The following NR4A1 variants were observed in gnomAD, a reference collection of about 807,000 sequenced individuals.
NR4A1 encodes nuclear receptor subfamily 4immunitygroup A member 1.
A neutral mutation model predicts 47.5 loss-of-function variants in NR4A1; 24 were observed. The observed-to-expected ratio is 0.50, with a 90% CI of 0.37 to 0.71. The LOEUF (loss-of-function observed/expected upper bound fraction) is 0.71. Among genes scored for constraint, NR4A1 ranks in the 30% least tolerant of loss-of-function variants. The pLI is 0.00. For synonymous variants in NR4A1, 353 were observed against 345.7 expected, an observed-to-expected ratio of 1.02 and a Z score of -0.24; for missense variants, 669 against 788.6, an observed-to-expected ratio of 0.85 and a Z score of 1.82.
intron 1 of NR4A1, chr12:52,038,863 C>T (rs1592285288): frequency 1.5e-6 from 1 of 675,358 alleles, no homozygotes; most frequent in Non-Finnish European, 2.7e-6. Flanking sequence ...GGCCCTGTGC[C>T]TGGCTCAAAG....
Position 52,056,703 on chromosome 12 carries a change from G to A in NR4A1, c.1158+58G>A. 4 of 1,498,868 alleles carry A rather than the reference G, an allele frequency of 2.7e-6. No individual in the cohort carries two copies. The South Asian group carries it at 5.3e-5, about 20-fold the overall frequency. The allele number at this position is 1,498,868 out of a possible 1,614,324, so 92.8% of individuals were successfully genotyped here. A position where few individuals can be genotyped will look rare whatever the true frequency, so the allele number is the denominator to read the frequency against. Reference sequence around the variant, plus strand: ...GTCTATGAGCACATGCAGTGCCTTTGTGCGTGTTAGGAGAGCTACCCCCTC... The same window carrying A: ...GTCTATGAGCACATGCAGTGCCTTTATGCGTGTTAGGAGAGCTACCCCCTC... On this transcript the variant is annotated intron_variant, in intron 4 of 6. Transcript: ENST00000394825.
chr12:52,043,223 C>A (rs1938503553), intron 2 of NR4A1, among the ~76,000 whole-genome samples: 1 of 152,156 alleles, frequency 6.6e-6, no homozygotes, highest in Non-Finnish European at 1.5e-5. Flanking sequence ...GTTCTCTGGT[C>A]AGCTGGAGAT....
At position 52,041,889 on chromosome 12, in the gene NR4A1, G is replaced by C. The variant is rs560728359; in HGVS notation, c.-4G>C. ...TCTGCTGGGCCCTGAAGGCAGACGG[G>C]ATAATGTGGTTGGCCAAGGCCTGTT... On this transcript the variant is annotated 5_prime_UTR_variant, in exon 2 of 8. Transcript: ENST00000360284. 12 of 1,530,734 alleles carry C rather than the reference G, an allele frequency of 7.8e-6. No individual in the cohort carries two copies. The African/African-American group carries it at 9.5e-5, about 12-fold the overall frequency. The allele number at this position is 1,530,734 out of a possible 1,614,324, so 94.8% of individuals were successfully genotyped here.
At chr12:52,050,340 G>C (rs1324271496), upstream of NR4A1, among the ~76,000 whole-genome samples, 3 of 152,200 alleles carry the variant, frequency 2.0e-5, no homozygotes, top group South Asian at 4.1e-4. Context: ...ATGTGGACAG[G>C]GGGAGGGGTA....
At chr12:52,027,745 G>T (rs1938027823) in intron 1 of NR4A1, among the ~76,000 whole-genome samples, 1 of 152,192 alleles carries the variant, frequency 6.6e-6, no homozygotes, top group Non-Finnish European at 1.5e-5. Flanking sequence ...GTGGCCCTGG[G>T]CACAGGGGGG....
At chr12:52,028,973 A>G (rs1938060499) in intron 1 of NR4A1, among the ~76,000 whole-genome samples, 1 of 152,224 alleles carries the variant, frequency 6.6e-6, no homozygotes, top group South Asian at 2.1e-4. Context: ...TAATGCTTTA[A>G]GTGAAATTAT....
chr12:52,037,090 C>G (rs1290987485), intron 1 of NR4A1: 2 of 150,264 alleles, frequency 1.3e-5, no homozygotes, highest in Admixed American at 1.3e-4. Flanking sequence ...CGCCGGGATT[C>G]CGGAGACGTC....
chr12:52,038,022 C>A, intron 1 of NR4A1: 1 of 985,698 alleles, frequency 1.0e-6, no homozygotes, highest in Non-Finnish European at 1.2e-6. Flanking sequence ...GTGTGGAGGG[C>A]AGGGCACAGT....
chr12:52,033,085 T>C (rs1938161187), intron 1 of NR4A1, among the ~76,000 whole-genome samples: 1 of 152,222 alleles, frequency 6.6e-6, no homozygotes, highest in African/African-American at 2.4e-5. Flanking sequence ...GCCGCAGCTC[T>C]GCGCCGCCGG....
rs377393372 is a variant in NR4A1 at position 52,056,011 on chromosome 12, G to A, written c.877-19G>A. 3.9e-5 allele frequency: 43 copies of A among 1,099,072 alleles called. No individual in the cohort carries two copies. Among genetic ancestry groups the A allele is most frequent in the African/African-American group, 8.1e-5 (4 of 49,342 alleles). The allele number at this position is 1,099,072 out of a possible 1,614,324, so 68.1% of individuals were successfully genotyped here. On this transcript the variant is annotated intron_variant, in intron 2 of 6. Transcript: ENST00000394825. ...ACCCCACACTCTGACAGCTTGTTCC[G>A]TGTTGCCCCCCCACCCAGCGCACAG...
At chr12:52,038,746 G>C in intron 1 of NR4A1, 1 of 764,838 alleles carries the variant, frequency 1.3e-6, no homozygotes, top group South Asian at 1.3e-5. Context: ...GATTCTAATT[G>C]AAGGTAACTG....
intron 6 of NR4A1, among the ~76,000 whole-genome samples, chr12:52,057,921 C>T (rs1452272886): frequency 6.6e-6 from 1 of 152,098 alleles, no homozygotes; most frequent in Non-Finnish European, 1.5e-5. Flanking sequence ...ACATAACTGC[C>T]CCCCAGAACC....
chr12:52,048,494 T>C (rs1284698886), upstream of NR4A1, among the ~76,000 whole-genome samples: 1 of 151,996 alleles, frequency 6.6e-6, no homozygotes, highest in East Asian at 1.9e-4. Flanking sequence ...CTCGGGAGGC[T>C]GAGGCAGGAG....
intron 2 of NR4A1, chr12:52,041,939 C>T (rs755115265): frequency 7.1e-6 from 10 of 1,409,162 alleles, no homozygotes; most frequent in Non-Finnish European, 9.3e-6. Flanking sequence ...GGTAAGTGCT[C>T]TGCTATTGTC....
At chr12:52,037,124 G>A (rs1938262161) in intron 1 of NR4A1, 1 of 146,224 alleles carries the variant, frequency 6.8e-6, no homozygotes, top group South Asian at 2.3e-4. Context: ...CACGGTCCCC[G>A]CCCCGCCCGC....
chr12:52,051,983 G>A (rs1225502138), intron 1 of NR4A1, among the ~76,000 whole-genome samples: 1 of 152,118 alleles, frequency 6.6e-6, no homozygotes, highest in Non-Finnish European at 1.5e-5. Context: ...ACTGGGATTG[G>A]ATTTCCAAAA....
chr12:52,052,447 T>C (rs1279543274), intron 1 of NR4A1: 2 of 983,456 alleles, frequency 2.0e-6, no homozygotes, highest in East Asian at 2.3e-4. Context: ...CTCCAGATGC[T>C]GATCATCCCT....
chr12:52,023,725 A>T (rs914960838), intron 1 of NR4A1, among the ~76,000 whole-genome samples: 8 of 150,310 alleles, frequency 5.3e-5, no homozygotes, highest in Non-Finnish European at 1.2e-4. Context: ...GCCCCGGCCC[A>T]GCCCGTCCAC....
upstream of NR4A1, among the ~76,000 whole-genome samples, chr12:52,046,990 C>T (rs967158576): frequency 1.3e-5 from 2 of 151,970 alleles, no homozygotes; most frequent in Admixed American, 6.5e-5. Flanking sequence ...TGGGGAACTG[C>T]GGTGATGAGG....
Sources: gnomAD v4.1 joint callset for allele counts (sites outside exome capture counted in the v4.1 genomes callset) on GRCh38, gnomAD v4.1.1 for gene constraint, MANE v1.5 for transcripts, NCBI Gene and HGNC (gene_info 2026-07-23, HGNC 2026-07-21) for gene names.